Variants in ZSCAN5A observed in about 807,000 individuals in gnomAD.
ZSCAN5A encodes zinc finger and SCAN domain-containing protein 5A.
Under a neutral mutation model 23.7 loss-of-function variants are expected in ZSCAN5A, and 12 were observed. The observed-to-expected ratio is 0.51, with a 90% CI of 0.32 to 0.82. ZSCAN5A has a LOEUF of 0.82. Ranked by LOEUF, ZSCAN5A falls within the 40% of genes least tolerant of loss-of-function variation. The pLI is 0.03. For synonymous variants in ZSCAN5A, 257 were observed against 239.9 expected (o/e 1.07, Z -0.66); for missense variants, 597 against 617.9 (o/e 0.97, Z 0.36).
Position 56,257,895 on chromosome 19 carries a change from C to T in ZSCAN5A, c.-127-32722G>A, listed in dbSNP as rs58647019. Reference sequence around the variant, plus strand: ...CTGGCTCCTGCCTCCCACCACTGCCCGATCTTCTTAGACACAGGCGCCGGG... The same window carrying T: ...CTGGCTCCTGCCTCCCACCACTGCCTGATCTTCTTAGACACAGGCGCCGGG... On this transcript the variant is annotated intron_variant, in intron 2 of 5. Transcript: ENST00000683990. Among the ~76,000 whole-genome samples, 189 of 113,218 alleles carry T rather than the reference C, an allele frequency of 1.7e-3. 2 individuals carry two copies. Among genetic ancestry groups the T allele is most frequent in the African/African-American group, 0.011 (174 of 15,498 alleles). 74.3% of individuals were successfully genotyped at this position (113,218 alleles called of 152,430 possible). A position where few individuals can be genotyped will look rare whatever the true frequency, so the allele number is the denominator to read the frequency against.
intron 2 of ZSCAN5A, among the ~76,000 whole-genome samples, chr19:56,270,022 A>G (rs891008868): frequency 6.6e-6 from 1 of 152,054 alleles, no homozygotes; most frequent in African/African-American, 2.4e-5. Context: ...GATTGACTCA[A>G]TGTCTGTGAT....
intron 1 of ZSCAN5A, among the ~76,000 whole-genome samples, chr19:56,313,927 A>G (rs1464885005): frequency 6.6e-6 from 1 of 152,202 alleles, no homozygotes; most frequent in Non-Finnish European, 1.5e-5. Flanking sequence ...CTTTTAGGGC[A>G]GCAGTTCTCA....
chr19:56,270,926 G>C (rs1260041829), intron 2 of ZSCAN5A, among the ~76,000 whole-genome samples: 1 of 152,204 alleles, frequency 6.6e-6, no homozygotes, highest in Non-Finnish European at 1.5e-5. Context: ...TAAAGCATGA[G>C]TTCCTCATGA....
chr19:56,279,101 C>A (rs1186534151), intron 2 of ZSCAN5A, among the ~76,000 whole-genome samples: 1 of 152,198 alleles, frequency 6.6e-6, no homozygotes, highest in Non-Finnish European at 1.5e-5. Flanking sequence ...TCAGTGCCTA[C>A]TGAAGCATTG....
Position 56,265,898 on chromosome 19 carries a change from G to A in ZSCAN5A, c.-127-40725C>T, listed in dbSNP as rs147875350. The stretch of plus-strand genomic sequence containing the variant: ...CAAGGAGCTTTGAGGGACCCTGCTT[G>A]CTTTTCATTATGAGAAAATGGGCAC... On this transcript the variant is annotated intron_variant, in intron 2 of 5. Transcript: ENST00000683990. Among the ~76,000 whole-genome samples, 1,323 of 152,244 alleles carry A rather than the reference G, an allele frequency of 8.7e-3. 14 individuals carry two copies. The highest frequency in any genetic ancestry group is 0.03 in the African/African-American group (1,248 of 41,538).
intron 1 of ZSCAN5A, chr19:56,368,202 C>A (rs973741986): frequency 6.6e-6 from 1 of 152,422 alleles, no homozygotes; most frequent in Non-Finnish European, 1.5e-5. Flanking sequence ...TCAATACGCA[C>A]GCGTACTTTG....
chr19:56,284,211 G>C, intron 2 of ZSCAN5A: 1 of 985,094 alleles, frequency 1.0e-6, no homozygotes, highest in Non-Finnish European at 1.2e-6. Flanking sequence ...TCATAGGTAA[G>C]TACCTTGCCA....
At chr19:56,349,424 C>T (rs773693311) in intron 2 of ZSCAN5A, among the ~76,000 whole-genome samples, 1 of 152,064 alleles carries the variant, frequency 6.6e-6, no homozygotes, top group Non-Finnish European at 1.5e-5. Context: ...TGGCCGAGCG[C>T]GGTGGCTCAC....
At chr19:56,363,707 A>T (rs1427878491) in intron 1 of ZSCAN5A, among the ~76,000 whole-genome samples, 1 of 152,244 alleles carries the variant, frequency 6.6e-6, no homozygotes, top group Non-Finnish European at 1.5e-5. Context: ...TCCATCCTTT[A>T]GGACTCTGTG....
intron 2 of ZSCAN5A, among the ~76,000 whole-genome samples, chr19:56,299,562 A>T (rs1214774627): frequency 6.6e-6 from 1 of 152,202 alleles, no homozygotes; most frequent in African/African-American, 2.4e-5. Flanking sequence ...GTTGTCCCTC[A>T]GTATCCTCAG....
At chr19:56,295,591 T>C (rs1189142518) in intron 2 of ZSCAN5A, among the ~76,000 whole-genome samples, 3 of 151,914 alleles carry the variant, frequency 2.0e-5, no homozygotes, top group Non-Finnish European at 4.4e-5. Context: ...CAAGACTCCG[T>C]CTAAAAAACA....
intron 2 of ZSCAN5A, among the ~76,000 whole-genome samples, chr19:56,262,940 T>G (rs1279750739): frequency 6.6e-6 from 1 of 152,250 alleles, no homozygotes; most frequent in Non-Finnish European, 1.5e-5. Context: ...TGCATATGTC[T>G]TTTGGTAGAA....
rs371491455 is a variant in ZSCAN5A at position 56,266,493 on chromosome 19, C to CCTTTTTTTTTTTTTTTTTTTTTTTTTT, written c.-127-41321_-127-41320insAAAAAAAAAAAAAAAAAAAAAAAAAAG. The CCTTTTTTTTTTTTTTTTTTTTTTTTTT allele has an allele frequency of 1.0e-4, 6 of 58,002 alleles. 2 individuals carry two copies. Among genetic ancestry groups the CCTTTTTTTTTTTTTTTTTTTTTTTTTT allele is most frequent in the Admixed American group, 5.0e-4 (2 of 4,022 alleles). 3.6% of individuals were successfully genotyped at this position (58,002 alleles called of 1,614,324 possible). A position where few individuals can be genotyped will look rare whatever the true frequency, so the allele number is the denominator to read the frequency against. ...GCTTTCTGCTTGGGAGATGCCCCCA[C>CCTTTTTTTTTTTTTTTTTTTTTTTTTT]TTTTTTTTTTTTTTTTTTTTTTGAG... is the stretch of plus-strand genomic sequence containing the variant. On this transcript the variant is annotated intron_variant, in intron 2 of 5. Transcript: ENST00000683990.
At chr19:56,344,909 C>CA (rs1019131536) in intron 2 of ZSCAN5A, among the ~76,000 whole-genome samples, 706 of 18,686 alleles carry the variant, frequency 0.038, 28 homozygotes, top group East Asian at 0.042. Flanking sequence ...GACTCCGTCT[C>CA]AAAAAAAAAA....
chr19:56,335,309 A>G (rs1329430490), intron 2 of ZSCAN5A, among the ~76,000 whole-genome samples: 1 of 152,182 alleles, frequency 6.6e-6, no homozygotes, highest in African/African-American at 2.4e-5. Context: ...TGTAAAGAGA[A>G]CAAATCTATG....
chr19:56,280,497 G>T (rs2038610992), intron 2 of ZSCAN5A: 2 of 152,070 alleles, frequency 1.3e-5, no homozygotes, highest in Admixed American at 1.3e-4. Flanking sequence ...ATGGAAATAT[G>T]TAGAATTATA....
chr19:56,346,778 T>G (rs7257664), intron 2 of ZSCAN5A, among the ~76,000 whole-genome samples: 13,322 of 151,912 alleles, frequency 0.088, 970 homozygotes, highest in African/African-American at 0.2. Flanking sequence ...GTGCCATCTC[T>G]GCTCACTGCA....
Position 56,224,918 on chromosome 19 carries a change from A to C in ZSCAN5A, c.129T>G (p.Ser43=). ...AGCTGAACATCCTGAAGTTCACGTG[A>C]GAAATCTCAGGGTCCACGTCGTGAT... ...LGNHDVDPEI[S]HVNFRMFSCP... is the part of the protein sequence containing the mutation. The change falls in exon 3 of 6, where the codon TCT becomes TCG. Residue 43 remains serine, a synonymous_variant. Coordinates refer to ENST00000683990, the MANE Select transcript of ZSCAN5A (RefSeq NM_001322064.3). 6.2e-7 allele frequency: 1 copy of C among 1,614,198 alleles called. No homozygotes were observed. The highest frequency in any genetic ancestry group is 1.1e-5 in the South Asian group (1 of 91,076).
At chr19:56,272,842 G>T in intron 2 of ZSCAN5A, 1 of 985,094 alleles carries the variant, frequency 1.0e-6, no homozygotes, top group South Asian at 4.7e-5. Context: ...ATCATGCACA[G>T]ATCAGAGCCA....
Sources: gnomAD v4.1 joint callset for allele counts (sites outside exome capture counted in the v4.1 genomes callset) on GRCh38, gnomAD v4.1.1 for gene constraint, MANE v1.5 for transcripts, NCBI Gene and HGNC (gene_info 2026-07-23, HGNC 2026-07-21) for gene names.